Variants in DOCK4 observed in about 807,000 individuals in gnomAD.
The protein encoded by DOCK4 is dedicator of cytokinesis protein 4.
In DOCK4, 97 loss-of-function variants were observed where a neutral mutation model predicts 268.1. That is an observed-to-expected ratio of 0.36 (90% CI 0.31 to 0.43). DOCK4 has a LOEUF of 0.43. Among genes scored for constraint, DOCK4 ranks in the 20% least tolerant of loss-of-function variants. The pLI is 1.00. For missense variants in DOCK4, 2,145 were observed against 2,455.7 expected, an observed-to-expected ratio of 0.87 and a Z score of 2.67; for synonymous variants, 954 against 887.2, an observed-to-expected ratio of 1.08 and a Z score of -1.34.
Position 111,728,451 on chromosome 7 carries a change from C to T in DOCK4, c.5751G>A (p.Arg1917=), listed in dbSNP as rs767881909. 1 of 1,604,706 alleles carries T rather than the reference C, an allele frequency of 6.2e-7. No homozygotes were observed. The highest frequency in any genetic ancestry group is 8.5e-7 in the Non-Finnish European group (1 of 1,174,988). The change falls in exon 53 of 53, where the codon CGG becomes CGA. Residue 1917 remains arginine (R), a synonymous_variant. Coordinates refer to ENST00000428084, the MANE Select transcript of DOCK4 (RefSeq NM_001363540.2). Reference sequence around the variant, plus strand: ...GTAGCGGGACGGGGCGCCGCAGAGTCCGCTCGTAGACGCTGTACGGGGGCG... The same window carrying T: ...GTAGCGGGACGGGGCGCCGCAGAGTTCGCTCGTAGACGCTGTACGGGGGCG... The part of the protein sequence containing the change: ...KTPPPYSVYE[R]TLRRPVPLPH...
intron 32 of DOCK4, 75 bp downstream of exon 32, chr7:111,788,587 C>T (rs762707342): frequency 1.1e-4 from 129 of 1,201,404 alleles, no homozygotes; most frequent in Middle Eastern, 3.7e-4. Flanking sequence ...TCTCAGCTAC[C>T]GTGGTGCAGA....
At chr7:111,812,598 GC>G (rs1801222405) in intron 27 of DOCK4, among the ~76,000 whole-genome samples, 1 of 152,194 alleles carries the variant, frequency 6.6e-6, no homozygotes, top group Non-Finnish European at 1.5e-5. Flanking sequence ...AGAAAGCCAT[GC>G]TTTTTAAAAT....
intron 42 of DOCK4, among the ~76,000 whole-genome samples, chr7:111,751,805 T>C (rs1796674465): frequency 6.6e-6 from 1 of 151,950 alleles, no homozygotes; most frequent in Admixed American, 6.6e-5. Flanking sequence ...GAGGCTAGAG[T>C]ACAGTGGTAT....
chr7:111,961,058 T>C (rs1451877778), intron 8 of DOCK4, among the ~76,000 whole-genome samples: 2 of 152,138 alleles, frequency 1.3e-5, no homozygotes, highest in Non-Finnish European at 2.9e-5. Flanking sequence ...GTTGGATTGC[T>C]GGATCCCTAT....
intron 17 of DOCK4, among the ~76,000 whole-genome samples, chr7:111,872,882 A>T (rs1374905011): frequency 1.3e-5 from 2 of 152,226 alleles, no homozygotes. Flanking sequence ...ACATCACAGT[A>T]GCACTTACAA....
chr7:111,732,215 A>G lies in DOCK4; in HGVS notation c.5481+11T>C, dbSNP rs1175805980. The G allele has an allele frequency of 1.9e-6, 3 of 1,613,684 alleles. No individual in the cohort carries two copies. The highest frequency in any genetic ancestry group is 2.5e-6 in the Non-Finnish European group (3 of 1,179,770). ...CCAGTCTCTAGCCTCAGTCGAAAGA[A>G]GGGCCTTTACCTTCAATGGAGATCG... On this transcript the variant is annotated intron_variant, in intron 52 of 52. Coordinates refer to ENST00000428084, the MANE Select transcript of DOCK4 (RefSeq NM_001363540.2).
chr7:111,756,993 C>T (rs766767255), intron 41 of DOCK4, among the ~76,000 whole-genome samples: 1 of 151,902 alleles, frequency 6.6e-6, no homozygotes, highest in African/African-American at 2.4e-5. Flanking sequence ...GGGGGTGACG[C>T]GTGAGCTGCA....
At chr7:111,732,104 G>A (rs1219979520) in intron 52 of DOCK4, 122 bp downstream of exon 52, 6 of 985,578 alleles carry the variant, frequency 6.1e-6, no homozygotes, top group Non-Finnish European at 9.1e-6. Context: ...CCCTATCCCT[G>A]ATTGATAAGT....
intron 1 of DOCK4, among the ~76,000 whole-genome samples, chr7:112,078,410 T>A (rs1395129650): frequency 6.6e-6 from 1 of 152,156 alleles, no homozygotes; most frequent in Non-Finnish European, 1.5e-5. Context: ...TTATTAACTC[T>A]CTTGATTACC....
At chr7:112,044,481 T>C (rs558189194) in intron 1 of DOCK4, among the ~76,000 whole-genome samples, 1 of 152,222 alleles carries the variant, frequency 6.6e-6, no homozygotes, top group Non-Finnish European at 1.5e-5. Flanking sequence ...GTTTTTCTAC[T>C]TAAATTATGT....
At chr7:111,995,109 G>A (rs531790085) in intron 4 of DOCK4, among the ~76,000 whole-genome samples, 2 of 151,408 alleles carry the variant, frequency 1.3e-5, no homozygotes, top group African/African-American at 4.8e-5. Context: ...TCGGCTCACT[G>A]CAAGCTCCAC....
At chr7:111,768,450 A>G (rs1403375311) in intron 37 of DOCK4, among the ~76,000 whole-genome samples, 1 of 152,234 alleles carries the variant, frequency 6.6e-6, no homozygotes, top group East Asian at 1.9e-4. Context: ...TATATTTTGT[A>G]AAAGAATTAC....
intron 1 of DOCK4, among the ~76,000 whole-genome samples, chr7:112,061,526 C>T (rs529573873): frequency 3.3e-5 from 5 of 152,052 alleles, no homozygotes; most frequent in African/African-American, 9.7e-5. Context: ...TTCTGTCACC[C>T]GCTTTCTAAC....
chr7:112,123,947 G>A (rs2115951709), intron 1 of DOCK4, among the ~76,000 whole-genome samples: 1 of 152,230 alleles, frequency 6.6e-6, no homozygotes, highest in Non-Finnish European at 1.5e-5. Flanking sequence ...ACTCTGCCCT[G>A]GCACGAGCTA....
intron 1 of DOCK4, among the ~76,000 whole-genome samples, chr7:112,126,942 A>C (rs1304575671): frequency 6.6e-6 from 1 of 151,972 alleles, no homozygotes; most frequent in African/African-American, 2.4e-5. Flanking sequence ...AGAAATAGGA[A>C]CACTTTTACA....
At chr7:111,800,493 T>C (rs1039941110) in intron 30 of DOCK4, among the ~76,000 whole-genome samples, 47 of 152,206 alleles carry the variant, frequency 3.1e-4, no homozygotes, top group African/African-American at 1.1e-3. Flanking sequence ...GTTACTTTTA[T>C]GTTAACGTTT....
intron 30 of DOCK4, chr7:111,808,122 A>G (rs1378919858): frequency 6.6e-6 from 1 of 152,252 alleles, no homozygotes; most frequent in Non-Finnish European, 1.5e-5. Context: ...ATTAAGATGC[A>G]GTAATAGTAA....
At chr7:112,134,502 A>G (rs558031911) in intron 1 of DOCK4, among the ~76,000 whole-genome samples, 1 of 152,156 alleles carries the variant, frequency 6.6e-6, no homozygotes, top group Non-Finnish European at 1.5e-5. Context: ...GGCGGAACAC[A>G]AGGTCAGGAG....
At chr7:111,912,289 A>G (rs1792171578) in intron 13 of DOCK4, among the ~76,000 whole-genome samples, 1 of 152,242 alleles carries the variant, frequency 6.6e-6, no homozygotes, top group Non-Finnish European at 1.5e-5. Context: ...TCAACAATTT[A>G]AGAGTATTTT....
Sources: allele counts gnomAD v4.1 joint callset (sites outside exome capture counted in the v4.1 genomes callset), GRCh38; gene constraint gnomAD v4.1.1; transcripts MANE v1.5; gene names NCBI Gene and HGNC (gene_info 2026-07-23, HGNC 2026-07-21).